Variants in ADAMTS15 observed in about 807,000 individuals in gnomAD.
ADAMTS15 encodes the protein ADAM metallopeptidase with thrombospondin type 1 motif 15.
A neutral mutation model predicts 79.1 loss-of-function variants in ADAMTS15; 35 were observed. That is an observed-to-expected ratio of 0.44 (90% CI 0.34 to 0.59). The LOEUF (loss-of-function observed/expected upper bound fraction) is 0.59. Among genes scored for constraint, ADAMTS15 ranks in the 20% least tolerant of loss-of-function variants. The pLI, the probability that ADAMTS15 is intolerant of heterozygous loss-of-function variation, is 0.02. For missense variants in ADAMTS15, 1,324 were observed against 1,318.7 expected, an observed-to-expected ratio of 1.00 and a Z score of -0.06; for synonymous variants, 616 against 567.3, an observed-to-expected ratio of 1.09 and a Z score of -1.22.
chr11:130,475,204 T>C lies in ADAMTS15; in HGVS notation c.*1383T>C, dbSNP rs1039944482. On this transcript the variant is annotated 3_prime_UTR_variant, in exon 8 of 8. Coordinates refer to ENST00000299164, the MANE Select transcript of ADAMTS15 (RefSeq NM_139055.4). ...AGCCGAAGACAGGGCCTCTTCAGACTCCTTGGGAGTAGGTTTCAGGAGGCA... is the reference window on the plus strand; with the variant it reads ...AGCCGAAGACAGGGCCTCTTCAGACCCCTTGGGAGTAGGTTTCAGGAGGCA... 23 of 152,398 alleles carry C rather than the reference T, an allele frequency of 1.5e-4. No homozygotes were observed. The highest frequency in any genetic ancestry group is 1.2e-3 in the Admixed American group (19 of 15,310). 9.4% of individuals were successfully genotyped at this position (152,398 alleles called of 1,614,324 possible).
Position 130,449,455 on chromosome 11 carries a change from G to T in ADAMTS15, c.482G>T (p.Gly161Val). The part of the protein sequence containing the change: ...SQGAHLLQRR[G>V]VPGGPSGDPT... ...GGCGCACACCTTCTCCAGCGCCGGG[G>T]TGTTCCGGGCGGGCCTTCCGGAGAC... is the stretch of plus-strand genomic sequence containing the variant. Residue 161 changes from glycine to valine, a missense_variant, in exon 1 of 8, where the codon GGT becomes GTT. Coordinates refer to ENST00000299164, the MANE Select transcript of ADAMTS15 (RefSeq NM_139055.4). The surrounding 1 kb of genome is among the most constrained non-coding windows in gnomAD (Gnocchi z 7.8). 5.7e-6 allele frequency: 9 copies of T among 1,580,356 alleles called. No homozygotes were observed. Among genetic ancestry groups the T allele is most frequent in the Non-Finnish European group, 7.7e-6 (9 of 1,166,958 alleles).
At chr11:130,456,152 C>G (rs1029267793) in intron 1 of ADAMTS15, among the ~76,000 whole-genome samples, 1 of 152,196 alleles carries the variant, frequency 6.6e-6, no homozygotes, top group Admixed American at 6.5e-5. Context: ...CTTCTTCCTA[C>G]AGCTGTGAGG....
At chr11:130,451,122 T>A (rs536936269) in intron 1 of ADAMTS15, among the ~76,000 whole-genome samples, 3 of 152,186 alleles carry the variant, frequency 2.0e-5, no homozygotes, top group Non-Finnish European at 4.4e-5. Flanking sequence ...GCCATCCAAG[T>A]GAGCCTCTTC....
At chr11:130,461,699 C>T in intron 2 of ADAMTS15, 78 bp downstream of exon 2, 2 of 1,580,810 alleles carry the variant, frequency 1.3e-6, no homozygotes, top group Non-Finnish European at 1.7e-6. Flanking sequence ...TGTGTCTTTG[C>T]CCCCTTGTGT....
intron 1 of ADAMTS15, among the ~76,000 whole-genome samples, chr11:130,457,618 G>A (rs1015929501): frequency 6.6e-6 from 1 of 152,156 alleles, no homozygotes; most frequent in Non-Finnish European, 1.5e-5. Flanking sequence ...GTAGGGGCTG[G>A]GTTAGGAATA....
chr11:130,471,247 G>A lies in ADAMTS15; in HGVS notation c.1942G>A (p.Val648Ile), dbSNP rs774915694. ...GTLCSPDSTSVCVQGKCIKAG... is the reference protein window; with the variant it reads ...GTLCSPDSTSICVQGKCIKAG... ...GCTGTGCTCTCCTGACTCCACCTCC[G>A]TCTGTGTCCAAGGCAAGTGCATCAA... The change falls in exon 7 of 8, where the codon GTC becomes ATC. Residue 648 changes from valine (V) to isoleucine (I), a missense_variant. Physicochemically the swap from Val to Ile is conservative, Grantham distance 29 (BLOSUM62 3). Coordinates refer to ENST00000299164, the MANE Select transcript of ADAMTS15 (RefSeq NM_139055.4). 27 of 1,609,660 alleles carry A rather than the reference G, an allele frequency of 1.7e-5. No homozygotes were observed. The highest frequency in any genetic ancestry group is 3.4e-5 in the Admixed American group (2 of 58,666).
chr11:130,470,803 T>C, intron 5 of ADAMTS15, 117 bp from the exon 6 acceptor site: 2 of 1,167,728 alleles, frequency 1.7e-6, no homozygotes, highest in Non-Finnish European at 2.4e-6. Context: ...GGTTGCAGCT[T>C]TGGTGATGAG....
chr11:130,462,110 G>A lies in ADAMTS15; in HGVS notation c.1114G>A (p.Asp372Asn), dbSNP rs1307715500. 1 of 1,613,844 alleles carries A rather than the reference G, an allele frequency of 6.2e-7. No individual in the cohort carries two copies. Among genetic ancestry groups the A allele is most frequent in the East Asian group, 2.2e-5 (1 of 44,850 alleles). ...AGGCCACGTGTTCAACATGCCCCAT[G>A]ACAATGTGAAAGTCTGTGAGGAGGT... ...ELGHVFNMPH[D>N]NVKVCEEVFG... is the part of the protein sequence containing the mutation. Residue 372 changes from aspartate (D) to asparagine (N), a missense_variant, in exon 3 of 8, where the codon GAC becomes AAC. Asp to Asn is a conservative substitution (Grantham distance 23). Coordinates refer to ENST00000299164, the MANE Select transcript of ADAMTS15 (RefSeq NM_139055.4). The surrounding 1 kb of genome is among the most constrained non-coding windows in gnomAD (Gnocchi z 4.3).
intron 1 of ADAMTS15, 71 bp downstream of exon 1, chr11:130,450,001 A>T (rs1446477155): frequency 1.9e-6 from 3 of 1,556,806 alleles, no homozygotes; most frequent in Admixed American, 1.7e-5. Flanking sequence ...TAGCGCTCCA[A>T]ATCCCCTTTG....
chr11:130,453,690 G>A (rs1455596378), intron 1 of ADAMTS15, among the ~76,000 whole-genome samples: 11 of 152,248 alleles, frequency 7.2e-5, no homozygotes, highest in African/African-American at 1.9e-4. Context: ...GCCTCCCAAC[G>A]TTTTGGGATT....
At chr11:130,468,731 G>C (rs376795477) in intron 4 of ADAMTS15, among the ~76,000 whole-genome samples, 75 of 136,540 alleles carry the variant, frequency 5.5e-4, no homozygotes, top group East Asian at 2.4e-3. Flanking sequence ...CGCCACTGCA[G>C]TCCAGCCTGG....
In ADAMTS15 at chr11:130,449,948, C is replaced by A; in HGVS notation, c.957+18C>A. 6.3e-7 allele frequency: 1 copy of A among 1,594,584 alleles called. No individual in the cohort carries two copies. On this transcript the variant is annotated intron_variant, in intron 1 of 7. Coordinates refer to ENST00000299164, the MANE Select transcript of ADAMTS15 (RefSeq NM_139055.4). This position sits in a 1 kb window ranked among gnomAD's most constrained non-coding sequence, Gnocchi z 7.8. ...CCAGGCAGGTGAGTTGATCTGCCGT[C>A]ACTTTGCACCCAGATAGTCCCGTTC...
intron 1 of ADAMTS15, among the ~76,000 whole-genome samples, chr11:130,458,147 G>A (rs930188145): frequency 4.6e-5 from 7 of 152,188 alleles, no homozygotes; most frequent in South Asian, 2.1e-4. Context: ...AGGCGGCTGC[G>A]GGGTGGCTGA....
At position 130,462,088 on chromosome 11, in the gene ADAMTS15, C is replaced by A; in HGVS notation, c.1092C>A (p.Gly364=). ...CAGTCCTCTTGCCTTACCCCACAGG[C>A]CACGTGTTCAACATGCCCCATGACA... ...PSAFTTAHEL[G]HVFNMPHDNV... The change falls in exon 3 of 8, where the codon GGC becomes GGA. Residue 364 remains glycine (G), a splice_region_variant and synonymous_variant. Coordinates refer to ENST00000299164, the MANE Select transcript of ADAMTS15 (RefSeq NM_139055.4). The surrounding 1 kb of genome is among the most constrained non-coding windows in gnomAD (Gnocchi z 4.3). 6.2e-7 allele frequency: 1 copy of A among 1,612,454 alleles called. No homozygotes were observed. The highest frequency in any genetic ancestry group is 8.5e-7 in the Non-Finnish European group (1 of 1,179,034).
chr11:130,452,582 A>G (rs1184518893), intron 1 of ADAMTS15, among the ~76,000 whole-genome samples: 2 of 152,242 alleles, frequency 1.3e-5, no homozygotes, highest in African/African-American at 4.8e-5. Context: ...CCTTTGTGGT[A>G]GAATGGCTTT....
chr11:130,473,882 G>T lies in ADAMTS15; in HGVS notation c.*61G>T. ...CCACTGATATGCCAGCGTTCTGCCA[G>T]CTGGAGTAGCGGGCAGAGGACGGTG... On this transcript the variant is annotated 3_prime_UTR_variant, in exon 8 of 8. Transcript: ENST00000299164. 1 of 1,503,742 alleles carries T rather than the reference G, an allele frequency of 6.7e-7. No homozygotes were observed. Among genetic ancestry groups the T allele is most frequent in the Non-Finnish European group, 8.9e-7 (1 of 1,129,386 alleles). 93.1% of individuals were successfully genotyped at this position (1,503,742 alleles called of 1,614,324 possible). A position where few individuals can be genotyped will look rare whatever the true frequency, so the allele number is the denominator to read the frequency against.
chr11:130,462,036 A>C lies in ADAMTS15; in HGVS notation c.1091-51A>C. 6.5e-7 allele frequency: 1 copy of C among 1,548,638 alleles called. No homozygotes were observed. ...TTCCCCTGCCCCATTCCTCCCTCCAACCCCCATGTCCTTCCTCCTGCCCTC... is the reference window on the plus strand; with the variant it reads ...TTCCCCTGCCCCATTCCTCCCTCCACCCCCCATGTCCTTCCTCCTGCCCTC... On this transcript the variant is annotated intron_variant, in intron 2 of 7. Transcript: ENST00000299164. The surrounding 1 kb of genome is among the most constrained non-coding windows in gnomAD (Gnocchi z 4.3).
At chr11:130,465,732 C>A (rs1565395777) in intron 4 of ADAMTS15, among the ~76,000 whole-genome samples, 1 of 152,092 alleles carries the variant, frequency 6.6e-6, no homozygotes, top group Non-Finnish European at 1.5e-5. Flanking sequence ...GCATTTCTGG[C>A]AACCCAGAGC....
Position 130,448,896 on chromosome 11 carries a change from C to A in ADAMTS15, c.-78C>A. ...AGCGTTGGCGGTTCCAGAGTGCGGGCTGCACGGAGACCGCGGCAGCGGCCG... is the reference window on the plus strand; with the variant it reads ...AGCGTTGGCGGTTCCAGAGTGCGGGATGCACGGAGACCGCGGCAGCGGCCG... On this transcript the variant is annotated 5_prime_UTR_variant, in exon 1 of 8. It adds an upstream start codon to the 5' untranslated region. Coordinates refer to ENST00000299164, the MANE Select transcript of ADAMTS15 (RefSeq NM_139055.4). The A allele has an allele frequency of 8.4e-7, 1 of 1,186,586 alleles. No individual in the cohort carries two copies. The highest frequency in any genetic ancestry group is 1.1e-6 in the Non-Finnish European group (1 of 890,334). 73.5% of individuals were successfully genotyped at this position (1,186,586 alleles called of 1,614,324 possible).
Sources: allele counts gnomAD v4.1 joint callset (sites outside exome capture counted in the v4.1 genomes callset), GRCh38; gene constraint gnomAD v4.1.1; non-coding constraint Gnocchi (gnomAD v3.1); transcripts MANE v1.5; gene names NCBI Gene and HGNC (gene_info 2026-07-23, HGNC 2026-07-21).